Variants in DGCR2 observed in about 807,000 individuals in gnomAD.
The protein encoded by DGCR2 is integral membrane protein DGCR2/IDD.
A neutral mutation model predicts 51.6 loss-of-function variants in DGCR2; 24 were observed. The observed-to-expected ratio is 0.47, with a 90% CI of 0.34 to 0.65. The LOEUF is 0.65. Ranked by LOEUF, DGCR2 falls within the 30% of genes least tolerant of loss-of-function variation. DGCR2 has a pLI of 0.01. For synonymous variants in DGCR2, 340 were observed against 315.4 expected (o/e 1.08, Z -0.82); for missense variants, 765 against 772.1 (o/e 0.99, Z 0.11).
At chr22:19,118,305 A>G (rs1362216959) in intron 1 of DGCR2, among the ~76,000 whole-genome samples, 1 of 136,658 alleles carries the variant, frequency 7.3e-6, no homozygotes, top group Admixed American at 8.0e-5. Flanking sequence ...CAGGAGGTGG[A>G]GGTTACAGTG....
rs764748367 is a variant in DGCR2, at chr22:19,064,970, C to A, written c.426G>T (p.Ala142=). The change falls in exon 4 of 10, where the codon GCG becomes GCT. Residue 142 remains alanine (A), a synonymous_variant. Coordinates refer to ENST00000263196, the MANE Select transcript of DGCR2 (RefSeq NM_005137.3). ...YLSGENYWDA[A]QTCQRLNGSL... ...AGCCATTCAGGCGCTGGCAGGTCTGCGCGGCATCCCAGTAGTTCTCCCCGC... is the reference window on the plus strand; with the variant it reads ...AGCCATTCAGGCGCTGGCAGGTCTGAGCGGCATCCCAGTAGTTCTCCCCGC... The A allele has an allele frequency of 6.2e-7, 1 of 1,613,974 alleles. No homozygotes were observed. Among genetic ancestry groups the A allele is most frequent in the East Asian group, 2.2e-5 (1 of 44,886 alleles).
chr22:19,041,088 G>A lies in DGCR2; in HGVS notation c.1366C>T (p.His456Tyr), dbSNP rs758583945. The A allele has an allele frequency of 6.2e-7, 1 of 1,611,282 alleles. No homozygotes were observed. Among genetic ancestry groups the A allele is most frequent in the Non-Finnish European group, 8.5e-7 (1 of 1,178,256 alleles). ...DPPPPYEASI[H>Y]PDSVFYDPAD... is the part of the protein sequence containing the mutation. Reference sequence around the variant, plus strand: ...GGGTCATAGAACACACTGTCCGGGTGGATGGAGGCCTCGTAGGGCGGCGGA... The same window carrying A: ...GGGTCATAGAACACACTGTCCGGGTAGATGGAGGCCTCGTAGGGCGGCGGA... Residue 456 changes from histidine to tyrosine, a missense_variant, in exon 9 of 10, where the codon CAC becomes TAC. His to Tyr is a moderately conservative substitution (Grantham distance 83, BLOSUM62 2). Around this residue, in one of 3 missense-constraint regions of DGCR2, gnomAD observed 205 missense variants for 181.4 expected, o/e 1.13. Transcript: ENST00000263196.
intron 1 of DGCR2, among the ~76,000 whole-genome samples, chr22:19,120,526 G>C (rs1316515827): frequency 6.6e-6 from 1 of 152,180 alleles, no homozygotes; most frequent in Non-Finnish European, 1.5e-5. Context: ...TTTCTCAGTT[G>C]CTGCTGGCCA....
Position 19,038,772 on chromosome 22 carries a change from G to A in DGCR2, c.*93C>T. 6.6e-7 allele frequency: 1 copy of A among 1,519,714 alleles called. No homozygotes were observed. The highest frequency in any genetic ancestry group is 2.3e-5 in the East Asian group (1 of 44,030). 94.1% of individuals were successfully genotyped at this position (1,519,714 alleles called of 1,614,324 possible). A position where few individuals can be genotyped will look rare whatever the true frequency, so the allele number is the denominator to read the frequency against. On this transcript the variant is annotated 3_prime_UTR_variant, in exon 10 of 10. Coordinates refer to ENST00000263196, the MANE Select transcript of DGCR2 (RefSeq NM_005137.3). ...GACGTGCGGCAGTGCGTGGCGTCCA[G>A]GCTGGGACAGGGGCCTTTCAAGTCT...
chr22:19,090,802 C>CA (rs2083069626), intron 1 of DGCR2, among the ~76,000 whole-genome samples: 1 of 127,506 alleles, frequency 7.8e-6, no homozygotes, highest in African/African-American at 3.1e-5. Context: ...AAAAATAATC[C>CA]AAAAGAAGGA....
chr22:19,058,496 G>A (rs61099651), intron 5 of DGCR2, among the ~76,000 whole-genome samples: 14,359 of 151,846 alleles, frequency 0.095, 747 homozygotes, highest in Middle Eastern at 0.15. Context: ...CCAGGCCCCC[G>A]AGCCCCTGCA....
At position 19,038,820 on chromosome 22, in the gene DGCR2, C is replaced by A; in HGVS notation, c.*45G>T. ...TCTCCCCAGGGACCGGTGTTTTCTA[C>A]AACAGACAGGTGCTCCCAGACCGTT... On this transcript the variant is annotated 3_prime_UTR_variant, in exon 10 of 10. Coordinates refer to ENST00000263196, the MANE Select transcript of DGCR2 (RefSeq NM_005137.3). 6.3e-7 allele frequency: 1 copy of A among 1,589,726 alleles called. No homozygotes were observed. The highest frequency in any genetic ancestry group is 8.6e-7 in the Non-Finnish European group (1 of 1,165,574).
intron 7 of DGCR2, chr22:19,047,795 C>T (rs1289148365): frequency 6.5e-6 from 1 of 152,676 alleles, no homozygotes; most frequent in Non-Finnish European, 1.5e-5. Flanking sequence ...ATCTTTTTCT[C>T]GAAGATTCTA....
intron 1 of DGCR2, among the ~76,000 whole-genome samples, chr22:19,120,252 C>T (rs886851238): frequency 6.6e-6 from 1 of 152,148 alleles, no homozygotes; most frequent in Admixed American, 6.5e-5. Flanking sequence ...AAGTTTGCTC[C>T]CTCTACCAGA....
intron 2 of DGCR2, among the ~76,000 whole-genome samples, chr22:19,077,519 C>T (rs1271121412): frequency 2.6e-5 from 4 of 152,164 alleles, no homozygotes; most frequent in Admixed American, 6.6e-5. Flanking sequence ...ATTGCTAAGG[C>T]TCTGTATTCT....
At chr22:19,078,863 T>C (rs1185922053) in intron 2 of DGCR2, among the ~76,000 whole-genome samples, 1 of 152,242 alleles carries the variant, frequency 6.6e-6, no homozygotes, top group Non-Finnish European at 1.5e-5. Flanking sequence ...CAGGGCATGT[T>C]AGAGTCACAG....
chr22:19,090,189 A>G (rs1360582220), intron 1 of DGCR2, among the ~76,000 whole-genome samples: 1 of 152,218 alleles, frequency 6.6e-6, no homozygotes, highest in African/African-American at 2.4e-5. Flanking sequence ...AAATACCAGG[A>G]AAAAATGTGC....
intron 4 of DGCR2, among the ~76,000 whole-genome samples, chr22:19,064,303 C>A (rs1181643993): frequency 6.6e-6 from 1 of 152,238 alleles, no homozygotes; most frequent in Non-Finnish European, 1.5e-5. Flanking sequence ...GGGGTTAGTA[C>A]AACAACCTGT....
chr22:19,098,641 G>A (rs2146029617), intron 1 of DGCR2, among the ~76,000 whole-genome samples: 1 of 152,316 alleles, frequency 6.6e-6, no homozygotes, highest in East Asian at 1.9e-4. Flanking sequence ...AGGCTGGAAT[G>A]CAGCGGCATG....
chr22:19,091,408 G>A (rs1024148422), intron 1 of DGCR2, among the ~76,000 whole-genome samples: 1 of 152,102 alleles, frequency 6.6e-6, no homozygotes, highest in Non-Finnish European at 1.5e-5. Context: ...GTAGACTTCA[G>A]TGCAAATATT....
intron 2 of DGCR2, among the ~76,000 whole-genome samples, chr22:19,069,685 T>C (rs5993495): frequency 0.019 from 2,923 of 152,288 alleles, 100 homozygotes; most frequent in African/African-American, 0.067. Context: ...ATCCCCATAA[T>C]CTCTATGGTT....
intron 2 of DGCR2, among the ~76,000 whole-genome samples, chr22:19,081,442 G>GT (rs1326630642): frequency 2.0e-5 from 3 of 152,216 alleles, no homozygotes; most frequent in African/African-American, 7.2e-5. Flanking sequence ...CTGACGTTCT[G>GT]TTTTCAAGAT....
rs35934680 is a variant in DGCR2, at chr22:19,063,513, AT to A, written c.549-236del. On this transcript the variant is annotated intron_variant, in intron 4 of 9. Coordinates refer to ENST00000263196, the MANE Select transcript of DGCR2 (RefSeq NM_005137.3). ...GCCACCACGCCCAGCTAATTTTTGT[AT>A]TTTTTTTTTTTTTTTTAGTAGAGAC... Among the ~76,000 whole-genome samples the A allele has an allele frequency of 7.2e-3, 951 of 132,854 alleles. 1 individual carries two copies. The highest frequency in any genetic ancestry group is 8.3e-3 in the Non-Finnish European group (512 of 61,438). 87.2% of individuals were successfully genotyped at this position (132,854 alleles called of 152,430 possible).
chr22:19,105,161 A>G lies in DGCR2; in HGVS notation c.80-15671T>C, dbSNP rs556383078. 5.9e-4 allele frequency among the ~76,000 whole-genome samples: 90 copies of G among 152,276 alleles called. 1 individual carries two copies. The highest frequency in any genetic ancestry group is 4.3e-3 in the Admixed American group (66 of 15,286). ...AGCATGGCAAAGCCCCATCTCTACTAAAAATACAAAAATTAGCTGGGCGTG... is the reference window on the plus strand; with the variant it reads ...AGCATGGCAAAGCCCCATCTCTACTGAAAATACAAAAATTAGCTGGGCGTG... On this transcript the variant is annotated intron_variant, in intron 1 of 9. Coordinates refer to ENST00000263196, the MANE Select transcript of DGCR2 (RefSeq NM_005137.3).
Sources: gnomAD v4.1 joint callset for allele counts (sites outside exome capture counted in the v4.1 genomes callset) on GRCh38, gnomAD v4.1.1 for gene constraint, gnomAD v4.1.1 regional missense constraint, MANE v1.5 for transcripts, NCBI Gene and HGNC (gene_info 2026-07-23, HGNC 2026-07-21) for gene names.